The following LARGE1 variants were observed in gnomAD, a reference collection of about 807,000 sequenced individuals.
LARGE1 encodes xylosyl- and glucuronyltransferase LARGE1.
A neutral mutation model predicts 87.6 loss-of-function variants in LARGE1; 43 were observed. That is an observed-to-expected ratio of 0.49 (90% CI 0.38 to 0.63). The LOEUF is 0.63. Ranked by LOEUF, LARGE1 falls within the 30% of genes least tolerant of loss-of-function variation. LARGE1 has a pLI of 0.00. For missense variants in LARGE1, 802 were observed against 1,000.2 expected, an observed-to-expected ratio of 0.80 and a Z score of 2.67; for synonymous variants, 434 against 394.6, an observed-to-expected ratio of 1.10 and a Z score of -1.18.
intron 10 of LARGE1, among the ~76,000 whole-genome samples, chr22:33,325,103 A>T (rs1937123802): frequency 6.6e-6 from 1 of 152,234 alleles, no homozygotes; most frequent in African/African-American, 2.4e-5. Flanking sequence ...TTTCCTCTGA[A>T]TTCTTGCAGG....
intron 2 of LARGE1, among the ~76,000 whole-genome samples, chr22:33,688,445 G>C (rs1045059911): frequency 5.9e-5 from 9 of 152,180 alleles, no homozygotes; most frequent in African/African-American, 1.7e-4. Flanking sequence ...TCTGCCTCCT[G>C]GGTTCAAGCA....
chr22:33,262,835 C>T (rs1350930723), intron 11 of LARGE1, among the ~76,000 whole-genome samples: 2 of 150,052 alleles, frequency 1.3e-5, no homozygotes, highest in African/African-American at 2.5e-5. Context: ...TTCCTTCCTT[C>T]ACTCCCTCCC....
intron 11 of LARGE1, among the ~76,000 whole-genome samples, chr22:33,238,161 C>T (rs114166611): frequency 1.3e-5 from 2 of 152,000 alleles, no homozygotes; most frequent in African/African-American, 4.8e-5. Flanking sequence ...AATATAACTT[C>T]AATTAATTAA....
intron 11 of LARGE1, among the ~76,000 whole-genome samples, chr22:33,247,047 A>ATGTGTGTGTGTGTGTGTG (rs10532057): frequency 3.4e-5 from 5 of 146,172 alleles, no homozygotes; most frequent in African/African-American, 1.2e-4. Flanking sequence ...TGCAGCCAGT[A>ATGTGTGTGTGTGTGTGTG]TGTGTGTGTG....
At chr22:33,129,981 A>C in the LARGE1 span, among the ~76,000 whole-genome samples, 1 of 152,190 alleles carries the variant, frequency 6.6e-6, no homozygotes, top group South Asian at 2.1e-4. Context: ...TTAAAAGCGT[A>C]TGTGAGCTCT....
intron 11 of LARGE1, among the ~76,000 whole-genome samples, chr22:33,181,757 T>A (rs1215774210): frequency 1.3e-5 from 2 of 151,424 alleles, no homozygotes; most frequent in Non-Finnish European, 2.9e-5. Flanking sequence ...CTGGATCTCC[T>A]GACCTCGTAA....
intron 4 of LARGE1, among the ~76,000 whole-genome samples, chr22:33,619,748 C>T (rs1163190134): frequency 6.6e-6 from 1 of 152,018 alleles, no homozygotes; most frequent in East Asian, 1.9e-4. Context: ...AAATGGACAT[C>T]ATAATAGTGC....
At chr22:33,085,150 C>A in the LARGE1 span, among the ~76,000 whole-genome samples, 1 of 152,204 alleles carries the variant, frequency 6.6e-6, no homozygotes, top group East Asian at 1.9e-4. Flanking sequence ...GTGGCGGGCA[C>A]CTGTAGTCCC....
chr22:33,227,228 C>T (rs1230146323), intron 11 of LARGE1, among the ~76,000 whole-genome samples: 19 of 152,150 alleles, frequency 1.2e-4, no homozygotes, highest in Admixed American at 1.2e-3. Context: ...GTCATACAGA[C>T]AGCTAGTGGC....
At chr22:33,181,677 CG>C (rs1251715185) in intron 11 of LARGE1, among the ~76,000 whole-genome samples, 1 of 151,400 alleles carries the variant, frequency 6.6e-6, no homozygotes, top group African/African-American at 2.4e-5. Context: ...TACAAGCGCC[CG>C]CCACCACACC....
chr22:33,709,653 T>C lies in LARGE1; in HGVS notation c.106+51718A>G, dbSNP rs181376211. 8.4e-4 allele frequency among the ~76,000 whole-genome samples: 121 copies of C among 144,722 alleles called. 1 individual carries two copies. The highest frequency in any genetic ancestry group is 2.0e-3 in the South Asian group (9 of 4,604). The allele number at this position is 144,722 out of a possible 152,430, so 94.9% of individuals were successfully genotyped here. On this transcript the variant is annotated intron_variant, in intron 2 of 14. Transcript: ENST00000397394. ...CTTTTTTTTTTTTTTTGAGACGGAG[T>C]CTTGCTCTGTCACCCAGGCTGGAGT...
intron 1 of LARGE1, among the ~76,000 whole-genome samples, chr22:33,835,067 C>CAGATGAGAATTCACACAATGGCT (rs1268095665): frequency 5.9e-5 from 9 of 152,324 alleles, no homozygotes; most frequent in Admixed American, 5.9e-4. Flanking sequence ...TCTCTTCACC[C>CAGATGAGAATTCACACAATGGCT]AGATGAGAAT....
intron 1 of LARGE1, 141 bp from the exon 2 acceptor site, chr22:33,761,699 T>C (rs2084736411): frequency 3.4e-6 from 2 of 594,222 alleles, no homozygotes; most frequent in South Asian, 4.0e-5. Context: ...CAAGAGATGA[T>C]GCTGCCGTCT....
chr22:33,341,740 G>T (rs950060997), intron 9 of LARGE1, among the ~76,000 whole-genome samples: 4 of 152,188 alleles, frequency 2.6e-5, no homozygotes, highest in African/African-American at 9.7e-5. Context: ...ACTTAGCTGT[G>T]TGTGTCCTTG....
intron 1 of LARGE1, among the ~76,000 whole-genome samples, chr22:33,875,667 C>A (rs1310159692): frequency 2.0e-5 from 3 of 152,248 alleles, no homozygotes; most frequent in African/African-American, 7.2e-5. Flanking sequence ...TCGCACTTGG[C>A]AGCACAGGGC....
At chr22:33,759,629 GT>G (rs1341528636) in intron 2 of LARGE1, among the ~76,000 whole-genome samples, 1 of 152,158 alleles carries the variant, frequency 6.6e-6, no homozygotes, top group African/African-American at 2.4e-5. Context: ...CAGAATCACA[GT>G]GTCTGTCATC....
At chr22:33,385,281 G>A (rs957155329) in intron 7 of LARGE1, among the ~76,000 whole-genome samples, 2 of 148,150 alleles carry the variant, frequency 1.3e-5, no homozygotes, top group African/African-American at 4.9e-5. Flanking sequence ...GTTCATGCCT[G>A]TAAACCCAGC....
At chr22:33,678,546 T>C (rs2081648666) in intron 2 of LARGE1, among the ~76,000 whole-genome samples, 1 of 152,192 alleles carries the variant, frequency 6.6e-6, no homozygotes, top group Non-Finnish European at 1.5e-5. Flanking sequence ...ATTATTGTCT[T>C]TAATTTCTCC....
At chr22:33,097,436 A>G in the LARGE1 span, among the ~76,000 whole-genome samples, 1 of 152,200 alleles carries the variant, frequency 6.6e-6, no homozygotes, top group Non-Finnish European at 1.5e-5. Context: ...ACCAATTGCT[A>G]TAAACAGCCG....
Sources: gnomAD v4.1 joint callset for allele counts (sites outside exome capture counted in the v4.1 genomes callset) on GRCh38, gnomAD v4.1.1 for gene constraint, MANE v1.5 for transcripts, NCBI Gene and HGNC (gene_info 2026-07-23, HGNC 2026-07-21) for gene names.